The following KDM5A variants were observed in gnomAD, a reference collection of about 807,000 sequenced individuals.
KDM5A encodes lysine demethylase 5A, also known as lysine-specific demethylase 5A.
A neutral mutation model predicts 193.5 loss-of-function variants in KDM5A; 42 were observed. The ratio of observed to expected loss-of-function variants is 0.22; its 90% CI spans 0.17 to 0.28. The LOEUF is 0.28. Ranked by LOEUF, KDM5A falls within the 10% of genes least tolerant of loss-of-function variation. KDM5A has a pLI of 1.00. For synonymous variants in KDM5A, 796 were observed against 718.1 expected, an observed-to-expected ratio of 1.11 and a Z score of -1.73; for missense variants, 1,692 against 2,055.1, an observed-to-expected ratio of 0.82 and a Z score of 3.42.
intron 27 of KDM5A, among the ~76,000 whole-genome samples, chr12:286,408 T>G (rs934208683): frequency 2.0e-5 from 3 of 152,252 alleles, no homozygotes; most frequent in Non-Finnish European, 2.9e-5. Context: ...GTTTGGTGAC[T>G]TTAAGCCTTG....
In KDM5A at chr12:303,965, A is replaced by G. The variant is rs78192289; in HGVS notation, c.4074+2981T>C. On this transcript the variant is annotated intron_variant, in intron 24 of 27. Coordinates refer to ENST00000399788, the MANE Select transcript of KDM5A (RefSeq NM_001042603.3). ...TGAATAAAGTTGTTTTCATTTCATTATAACAGTGATGAGGGGGAAAAATAA... is the reference window on the plus strand; with the variant it reads ...TGAATAAAGTTGTTTTCATTTCATTGTAACAGTGATGAGGGGGAAAAATAA... Among the ~76,000 whole-genome samples the G allele has an allele frequency of 5.3e-5, 8 of 152,354 alleles. No homozygotes were observed. In the South Asian group the frequency reaches 1.0e-3, roughly 20 times the overall value.
At chr12:347,993 A>G (rs986225062) in intron 10 of KDM5A, among the ~76,000 whole-genome samples, 7 of 152,242 alleles carry the variant, frequency 4.6e-5, no homozygotes, top group Non-Finnish European at 7.3e-5. Flanking sequence ...AGAAGGGGAG[A>G]AAATTTTTGC....
chr12:372,804 A>C (rs536694167), intron 3 of KDM5A, among the ~76,000 whole-genome samples: 1 of 152,090 alleles, frequency 6.6e-6, no homozygotes. Context: ...AGCATGAAGC[A>C]TTGTTGAATT....
intron 3 of KDM5A, among the ~76,000 whole-genome samples, chr12:369,052 T>C (rs920663337): frequency 6.6e-6 from 1 of 152,226 alleles, no homozygotes; most frequent in African/African-American, 2.4e-5. Flanking sequence ...AAGTACAATT[T>C]TCCTCTAGTG....
chr12:381,554 T>A (rs1944572718), intron 3 of KDM5A, among the ~76,000 whole-genome samples: 1 of 149,286 alleles, frequency 6.7e-6, no homozygotes, highest in South Asian at 2.1e-4. Context: ...TGAATTTTTA[T>A]CCTAATAGTT....
chr12:313,267 G>C (rs1163019226), intron 19 of KDM5A, 73 bp from the exon 20 acceptor site: 8 of 1,537,956 alleles, frequency 5.2e-6, no homozygotes, highest in African/African-American at 1.4e-5. Flanking sequence ...AATGTTTAGA[G>C]AACTTTCATT....
chr12:308,363 C>G (rs1943540150), intron 22 of KDM5A, among the ~76,000 whole-genome samples: 2 of 152,158 alleles, frequency 1.3e-5, no homozygotes, highest in South Asian at 4.1e-4. Flanking sequence ...AGAATACTAC[C>G]AACCGTATTT....
rs1199832067 is a variant in KDM5A at position 389,133 on chromosome 12, G to A, written c.-42C>T. The A allele has an allele frequency of 1.3e-6, 2 of 1,585,094 alleles. No homozygotes were observed. The highest frequency in any genetic ancestry group is 2.2e-5 in the East Asian group (1 of 44,658). On this transcript the variant is annotated 5_prime_UTR_variant, in exon 1 of 28. Coordinates refer to ENST00000399788, the MANE Select transcript of KDM5A (RefSeq NM_001042603.3). ...GGGGGGGGGTCCCCGTGGGGAACCG[G>A]TGGAGAAAAGCTGGCTGAAGCCCAC...
chr12:292,812 C>T lies in KDM5A; in HGVS notation c.4813G>A (p.Asp1605Asn). The T allele has an allele frequency of 6.2e-7, 1 of 1,614,256 alleles. No homozygotes were observed. Among genetic ancestry groups the T allele is most frequent in the Non-Finnish European group, 8.5e-7 (1 of 1,180,034 alleles). The change falls in exon 27 of 28, where the codon GAT becomes AAT. Residue 1605 changes from aspartate (D) to asparagine (N), a missense_variant. Around this residue, in one of 11 missense-constraint regions of KDM5A, gnomAD observed 965 missense variants for 1,061.0 expected, o/e 0.91. Coordinates refer to ENST00000399788, the MANE Select transcript of KDM5A (RefSeq NM_001042603.3). Reference protein sequence around the residue: ...YDWSGAEESDDENAVCAAQNC... With the variant: ...YDWSGAEESDNENAVCAAQNC... ...TGTGCTGCGCACACAGCATTCTCAT[C>T]ATCAGACTCCTCTGCTCCTGACCAG...
Position 318,239 on chromosome 12 carries a change from T to C in KDM5A, c.2764A>G (p.Met922Val), listed in dbSNP as rs1462596437. Reference sequence around the variant, plus strand: ...ACCCCAGAGTCTATCAGCTTCTTCATGACATCCAAAGTGACTTGTTGCGGA... The same window carrying C: ...ACCCCAGAGTCTATCAGCTTCTTCACGACATCCAAAGTGACTTGTTGCGGA... ...SDPQQVTLDV[M>V]KKLIDSGVGL... The change falls in exon 19 of 28, where the codon ATG becomes GTG. Residue 922 changes from methionine to valine, a missense_variant. By Grantham distance (21) the Met-to-Val change is conservative. This residue lies in a region of KDM5A where 965 missense variants were observed against 1,061.0 expected (regional missense o/e 0.91). Transcript: ENST00000399788. 4.3e-6 allele frequency: 7 copies of C among 1,614,060 alleles called. No individual in the cohort carries two copies. The highest frequency in any genetic ancestry group is 5.9e-6 in the Non-Finnish European group (7 of 1,180,032).
chr12:360,451 A>G (rs2137463559), intron 5 of KDM5A, among the ~76,000 whole-genome samples: 1 of 152,306 alleles, frequency 6.6e-6, no homozygotes, highest in Non-Finnish European at 1.5e-5. Flanking sequence ...GAGGAAAACC[A>G]GAAGAGAAAG....
intron 19 of KDM5A, among the ~76,000 whole-genome samples, chr12:317,416 T>G (rs1353478399): frequency 6.6e-6 from 1 of 152,188 alleles, no homozygotes; most frequent in African/African-American, 2.4e-5. Context: ...CTGTAATATT[T>G]TTCCTTACCT....
intron 24 of KDM5A, 131 bp downstream of exon 24, chr12:306,815 C>A (rs2137385958): frequency 1.1e-6 from 1 of 931,766 alleles, no homozygotes; most frequent in Non-Finnish European, 1.7e-6. Context: ...CGACTAAAAA[C>A]TCAGAACAGA....
chr12:303,035 T>A (rs547625363), intron 24 of KDM5A, among the ~76,000 whole-genome samples: 2 of 152,122 alleles, frequency 1.3e-5, no homozygotes, highest in Non-Finnish European at 2.9e-5. Context: ...ACAGAGGATG[T>A]GGAGAAACAC....
chr12:326,958 G>C (rs889653469), intron 14 of KDM5A, among the ~76,000 whole-genome samples: 1 of 151,270 alleles, frequency 6.6e-6, no homozygotes, highest in African/African-American at 2.4e-5. Flanking sequence ...TCAAAAGTAT[G>C]ATGGGAACAG....
At chr12:352,361 A>C (rs1407129538) in intron 8 of KDM5A, 37 bp from the exon 9 acceptor site, 1 of 1,593,880 alleles carries the variant, frequency 6.3e-7, no homozygotes, top group African/African-American at 1.3e-5. Flanking sequence ...ACTTACTGAA[A>C]CTAAACTGAA....
chr12:357,171 C>G (rs1476994768), intron 5 of KDM5A, among the ~76,000 whole-genome samples: 1 of 151,974 alleles, frequency 6.6e-6, no homozygotes, highest in African/African-American at 2.4e-5. Context: ...GTCCCAGCTA[C>G]TTGGGAGGCT....
At chr12:381,510 A>C (rs1345271776) in intron 3 of KDM5A, among the ~76,000 whole-genome samples, 1 of 152,206 alleles carries the variant, frequency 6.6e-6, no homozygotes, top group African/African-American at 2.4e-5. Context: ...GTAAGTTTTG[A>C]TTGAATAAAA....
Position 350,759 on chromosome 12 carries a change from T to A in KDM5A, c.1170A>T (p.Val390=), listed in dbSNP as rs201382114. The A allele has an allele frequency of 6.4e-5, 104 of 1,613,960 alleles. No individual in the cohort carries two copies. Among genetic ancestry groups the A allele is most frequent in the Non-Finnish European group, 8.8e-5 (104 of 1,179,978 alleles). ...TTACCAGCCGCCAAAATTCCTTTTC[T>A]ACTAGTTCTGTGGGAACCATCTACA... ...MPVHMVPTEL[V]EKEFWRLVSS... Residue 390 remains valine (V), a synonymous_variant, in exon 10 of 28, where the codon GTA becomes GTT. Transcript: ENST00000399788.
Sources: gnomAD v4.1 joint callset for allele counts (sites outside exome capture counted in the v4.1 genomes callset) on GRCh38, gnomAD v4.1.1 for gene constraint, gnomAD v4.1.1 regional missense constraint, MANE v1.5 for transcripts, NCBI Gene and HGNC (gene_info 2026-07-23, HGNC 2026-07-21) for gene names.